Variants in EFNB2 observed in about 807,000 individuals in gnomAD.
EFNB2 encodes ephrin-B2.
Under a neutral mutation model 32.1 loss-of-function variants are expected in EFNB2, and 5 were observed. The ratio of observed to expected loss-of-function variants is 0.16; its 90% CI spans 0.08 to 0.33. EFNB2 has a LOEUF of 0.33. Ranked by LOEUF, EFNB2 falls within the 10% of genes least tolerant of loss-of-function variation. EFNB2 has a pLI of 1.00. For synonymous variants in EFNB2, 168 were observed against 166.5 expected (o/e 1.01, Z -0.07); for missense variants, 263 against 422.6 (o/e 0.62, Z 3.31).
chr13:106,528,715 C>T (rs912552771), intron 1 of EFNB2, among the ~76,000 whole-genome samples: 1 of 152,144 alleles, frequency 6.6e-6, no homozygotes, highest in African/African-American at 2.4e-5. Context: ...GGAACCCAAT[C>T]GTGGTTTCAA....
intron 2 of EFNB2, among the ~76,000 whole-genome samples, chr13:106,502,461 T>C (rs1566456578): frequency 6.6e-6 from 1 of 152,206 alleles, no homozygotes. Context: ...TGGAACAACT[T>C]TGAAGCAGTT....
intron 1 of EFNB2, chr13:106,521,048 T>C (rs1879501302): frequency 1.3e-5 from 2 of 152,190 alleles, no homozygotes; most frequent in South Asian, 4.2e-4. Context: ...TTTGGATGTA[T>C]ATGTGTGTTG....
rs1878347002 is a variant in EFNB2 at position 106,490,049 on chromosome 13, A to G, written c.*2991T>C. The G allele has an allele frequency of 6.6e-6, 1 of 152,634 alleles. No homozygotes were observed. The highest frequency in any genetic ancestry group is 1.5e-5 in the Non-Finnish European group (1 of 68,034). The allele number at this position is 152,634 out of a possible 1,614,324, so 9.5% of individuals were successfully genotyped here. On this transcript the variant is annotated 3_prime_UTR_variant, in exon 5 of 5. Coordinates refer to ENST00000646441, the MANE Select transcript of EFNB2 (RefSeq NM_004093.4). ...TTTTATACCATTTTTTCCTCATTACAGTGCAAAGGGGAATGACACTGCCGT... is the reference window on the plus strand; with the variant it reads ...TTTTATACCATTTTTTCCTCATTACGGTGCAAAGGGGAATGACACTGCCGT...
intron 1 of EFNB2, among the ~76,000 whole-genome samples, chr13:106,530,972 C>T (rs1320070057): frequency 6.6e-6 from 1 of 152,208 alleles, no homozygotes; most frequent in African/African-American, 2.4e-5. Context: ...AGGAACCATT[C>T]AAACACATAG....
At chr13:106,513,710 G>A (rs1879221661) in intron 1 of EFNB2, among the ~76,000 whole-genome samples, 1 of 152,014 alleles carries the variant, frequency 6.6e-6, no homozygotes, top group African/African-American at 2.4e-5. Flanking sequence ...ACTTCCTAAT[G>A]AACATCCTTC....
At chr13:106,526,192 C>T (rs891501051) in intron 1 of EFNB2, among the ~76,000 whole-genome samples, 3 of 152,172 alleles carry the variant, frequency 2.0e-5, no homozygotes, top group African/African-American at 7.2e-5. Context: ...TCTGAGCAGT[C>T]CCATCGTCTC....
At chr13:106,512,392 A>AAAG in intron 2 of EFNB2, 137 bp downstream of exon 2, 47 of 300,286 alleles carry the variant, frequency 1.6e-4, no homozygotes, top group South Asian at 3.8e-4. Flanking sequence ...AAAAAAAAAA[A>AAAG]GGGGGGGGGG....
At chr13:106,532,102 G>T (rs1879896063) in intron 1 of EFNB2, among the ~76,000 whole-genome samples, 1 of 150,140 alleles carries the variant, frequency 6.7e-6, no homozygotes, top group Non-Finnish European at 1.5e-5. Flanking sequence ...AACCAAAATG[G>T]CTACAACGGA....
At chr13:106,506,497 G>C (rs1485717607) in intron 2 of EFNB2, 1 of 152,114 alleles carries the variant, frequency 6.6e-6, no homozygotes, top group African/African-American at 2.4e-5. Context: ...CATGTTTCTT[G>C]GTAAAGGAAG....
chr13:106,523,823 C>T (rs991012644), intron 1 of EFNB2, among the ~76,000 whole-genome samples: 2 of 152,190 alleles, frequency 1.3e-5, no homozygotes, highest in East Asian at 1.9e-4. Context: ...GAAGCTGGCA[C>T]GGATCCCAAA....
intron 1 of EFNB2, 116 bp from the exon 2 acceptor site, chr13:106,512,928 C>A: frequency 1.2e-6 from 1 of 859,338 alleles, no homozygotes; most frequent in Non-Finnish European, 1.7e-6. Flanking sequence ...CAGATTCACA[C>A]TTTAATTTAT....
chr13:106,495,132 T>C (rs2138898810), intron 3 of EFNB2, 138 bp from the exon 4 acceptor site: 1 of 674,086 alleles, frequency 1.5e-6, no homozygotes, highest in Non-Finnish European at 2.5e-6. Flanking sequence ...AATACAAGAA[T>C]ATAATTTTTC....
In EFNB2 at chr13:106,493,021, G is replaced by C; in HGVS notation, c.*19C>G. The C allele has an allele frequency of 1.3e-6, 2 of 1,588,850 alleles. No individual in the cohort carries two copies. The highest frequency in any genetic ancestry group is 1.7e-6 in the Non-Finnish European group (2 of 1,165,290). The stretch of plus-strand genomic sequence containing the variant: ...ATTAGGTGTCCTCTGGGAAAGCACA[G>C]GTACCACCAGGGTCCCTCTCAGACC... On this transcript the variant is annotated 3_prime_UTR_variant, in exon 5 of 5. Coordinates refer to ENST00000646441, the MANE Select transcript of EFNB2 (RefSeq NM_004093.4). This position sits in a 1 kb window ranked among gnomAD's most constrained non-coding sequence, Gnocchi z 6.1.
intron 1 of EFNB2, among the ~76,000 whole-genome samples, chr13:106,526,719 G>A (rs1017047901): frequency 3.3e-5 from 5 of 152,130 alleles, no homozygotes; most frequent in Admixed American, 1.3e-4. Context: ...CAGCTGGTCT[G>A]GAACAGGATT....
intron 2 of EFNB2, among the ~76,000 whole-genome samples, chr13:106,499,147 T>C (rs1287873345): frequency 6.6e-6 from 1 of 152,154 alleles, no homozygotes; most frequent in African/African-American, 2.4e-5. Context: ...GTCTATTTTA[T>C]ACTTGATGTA....
intron 2 of EFNB2, among the ~76,000 whole-genome samples, chr13:106,512,148 A>G (rs1879158196): frequency 6.6e-6 from 1 of 152,138 alleles, no homozygotes; most frequent in African/African-American, 2.4e-5. Context: ...TACGAAATGA[A>G]TGAGTGAATG....
At chr13:106,507,798 C>G (rs1879005109) in intron 2 of EFNB2, among the ~76,000 whole-genome samples, 1 of 152,184 alleles carries the variant, frequency 6.6e-6, no homozygotes. Context: ...TCTCACAGAA[C>G]AACCTTTAAT....
intron 2 of EFNB2, chr13:106,506,764 G>C (rs1248355687): frequency 6.6e-6 from 1 of 152,150 alleles, no homozygotes; most frequent in Admixed American, 6.5e-5. Context: ...TGTCAAAGGT[G>C]GAAGTAATAA....
At chr13:106,525,713 G>A (rs1301755123) in intron 1 of EFNB2, among the ~76,000 whole-genome samples, 1 of 152,038 alleles carries the variant, frequency 6.6e-6, no homozygotes, top group Non-Finnish European at 1.5e-5. Flanking sequence ...TCCCCACCTT[G>A]CACCAAGCAC....
Sources: gnomAD v4.1 joint callset for allele counts (sites outside exome capture counted in the v4.1 genomes callset) on GRCh38, gnomAD v4.1.1 for gene constraint, Gnocchi (gnomAD v3.1) non-coding constraint, MANE v1.5 for transcripts, NCBI Gene and HGNC (gene_info 2026-07-23, HGNC 2026-07-21) for gene names.